Variants in DNHD1 observed in about 807,000 individuals in gnomAD.
The protein encoded by DNHD1 is dynein heavy chain domain 1, also known as dynein heavy chain domain-containing protein 1.
Under a neutral mutation model 458.1 loss-of-function variants are expected in DNHD1, and 383 were observed. The observed-to-expected ratio is 0.84, with a 90% CI of 0.77 to 0.91. The LOEUF (loss-of-function observed/expected upper bound fraction) is 0.91. Ranked by LOEUF, DNHD1 falls within the 40% of genes least tolerant of loss-of-function variation. The pLI is 0.00. For synonymous variants in DNHD1, 2,203 were observed against 2,376.9 expected (o/e 0.93, Z 2.13); for missense variants, 5,336 against 5,866.1 (o/e 0.91, Z 2.95).
Position 6,559,185 on chromosome 11 carries a change from C to T in DNHD1, c.9421C>T (p.Gln3141Ter), listed in dbSNP as rs866269580. ...LKIKNKAQRV[Q>*]NALENLRMLI... ...ACCAGCACATTGTATCTCCAGGGTC[C>T]AGAATGCCTTGGAGAATCTGAGAAT... is the stretch of plus-strand genomic sequence containing the variant. The change falls in exon 28 of 43, where the codon CAG (glutamine) becomes TAG (stop). Residue 3141 changes from glutamine to a stop codon, truncating the protein, a stop_gained. Transcript: ENST00000254579. LOFTEE classifies it high-confidence loss of function. 79 of 1,551,570 alleles carry T rather than the reference C, an allele frequency of 5.1e-5. No individual in the cohort carries two copies. The highest frequency in any genetic ancestry group is 6.5e-5 in the Non-Finnish European group (74 of 1,146,990).
chr11:6,523,824 A>C (rs970479717), intron 10 of DNHD1, among the ~76,000 whole-genome samples: 1 of 152,074 alleles, frequency 6.6e-6, no homozygotes, highest in Non-Finnish European at 1.5e-5. Flanking sequence ...CTGTCTCTAC[A>C]AAAAAATTTA....
At position 6,563,414 on chromosome 11, in the gene DNHD1, G is replaced by A; in HGVS notation, c.9702G>A (p.Gln3234=). The A allele has an allele frequency of 6.4e-7, 1 of 1,551,720 alleles. No individual in the cohort carries two copies. The highest frequency in any genetic ancestry group is 1.2e-5 in the South Asian group (1 of 84,066). The change falls in exon 30 of 43, where the codon CAG becomes CAA. Residue 3234 remains glutamine, a synonymous_variant. Coordinates refer to ENST00000254579, the MANE Select transcript of DNHD1 (RefSeq NM_144666.3). ...MSKAFLEPLS[Q]LQVADFEEIR... is the part of the protein sequence containing the mutation. ...AGGCATTTCTGGAGCCTCTGAGCCAGCTGCAGGTGGCTGACTTTGAGGAGA... is the reference window on the plus strand; with the variant it reads ...AGGCATTTCTGGAGCCTCTGAGCCAACTGCAGGTGGCTGACTTTGAGGAGA...
At chr11:6,566,811 C>T (rs376200750) in intron 35 of DNHD1, 46 bp downstream of exon 35, 46 of 1,599,742 alleles carry the variant, frequency 2.9e-5, no homozygotes, top group South Asian at 2.0e-4. Flanking sequence ...ATTGGATGGA[C>T]CTGGGTAAGG....
intron 15 of DNHD1, 38 bp from the exon 16 acceptor site, chr11:6,538,574 A>G (rs1589881283): frequency 3.2e-6 from 5 of 1,550,312 alleles, no homozygotes; most frequent in Non-Finnish European, 4.4e-6. Flanking sequence ...GGGGGAGGGG[A>G]AGAGTCTCAA....
chr11:6,506,687 C>T (rs1852234133), intron 4 of DNHD1, among the ~76,000 whole-genome samples: 2 of 152,088 alleles, frequency 1.3e-5, no homozygotes, highest in Non-Finnish European at 2.9e-5. Context: ...GCTGTCACTC[C>T]CCCACCCTTA....
At chr11:6,550,865 G>T (rs777546800) in intron 24 of DNHD1, among the ~76,000 whole-genome samples, 4 of 151,760 alleles carry the variant, frequency 2.6e-5, no homozygotes, top group Non-Finnish European at 5.9e-5. Flanking sequence ...TTAAGTATAG[G>T]GAAAAAAAGC....
At chr11:6,540,527 C>T (rs1026607096) in intron 18 of DNHD1, among the ~76,000 whole-genome samples, 58 of 152,304 alleles carry the variant, frequency 3.8e-4, no homozygotes, top group Admixed American at 6.5e-4. Context: ...TCCCTGTCCC[C>T]CAGAAATTTC....
intron 6 of DNHD1, 73 bp downstream of exon 6, chr11:6,509,345 G>T: frequency 7.5e-7 from 1 of 1,336,304 alleles, no homozygotes. Context: ...TATGTTTGTT[G>T]TAGAAAATCT....
intron 19 of DNHD1, 76 bp from the exon 20 acceptor site, chr11:6,544,498 A>G: frequency 1.6e-6 from 2 of 1,249,176 alleles, no homozygotes; most frequent in South Asian, 2.7e-5. Context: ...CTGAGAGGTC[A>G]GGAGCAGGGT....
intron 7 of DNHD1, among the ~76,000 whole-genome samples, chr11:6,517,810 C>T (rs891479228): frequency 1.3e-5 from 2 of 151,616 alleles, no homozygotes; most frequent in African/African-American, 4.8e-5. Flanking sequence ...TGGAGGGACA[C>T]AAACACACAG....
intron 18 of DNHD1, among the ~76,000 whole-genome samples, chr11:6,543,625 T>C (rs923160773): frequency 5.9e-5 from 9 of 152,252 alleles, no homozygotes; most frequent in Admixed American, 4.6e-4. Context: ...GAGACCCCAG[T>C]GCTTTACTGG....
At chr11:6,568,351 G>A in intron 37 of DNHD1, 103 bp from the exon 38 acceptor site, 1 of 1,570,148 alleles carries the variant, frequency 6.4e-7, no homozygotes, top group East Asian at 2.3e-5. Context: ...TGTCCACTTG[G>A]CCTTGTATCT....
At position 6,546,070 on chromosome 11, in the gene DNHD1, C is replaced by G; in HGVS notation, c.5131C>G (p.Leu1711Val). 1.9e-6 allele frequency: 3 copies of G among 1,551,368 alleles called. No homozygotes were observed. The highest frequency in any genetic ancestry group is 1.2e-5 in the South Asian group (1 of 84,054). The stretch of plus-strand genomic sequence containing the variant: ...GGCCCTGGGCCGCCAGCTGGTGATG[C>G]TACCCTGCTCACCTCAGATAGAGGC... Reference protein sequence around the residue: ...AQALGRQLVMLPCSPQIEAQC... With the variant: ...AQALGRQLVMVPCSPQIEAQC... The change falls in exon 21 of 43, where the codon CTA becomes GTA. Residue 1711 changes from leucine (L) to valine (V), a missense_variant. Leu to Val is a conservative substitution (Grantham distance 32, BLOSUM62 1). This residue lies in a region of DNHD1 where 3,932 missense variants were observed against 4,365.6 expected (regional missense o/e 0.90). Transcript: ENST00000254579.
In DNHD1 at chr11:6,557,076, T is replaced by A; in HGVS notation, c.7781T>A (p.Val2594Glu). 6.4e-7 allele frequency: 1 copy of A among 1,551,722 alleles called. No individual in the cohort carries two copies. Among genetic ancestry groups the A allele is most frequent in the Non-Finnish European group, 8.7e-7 (1 of 1,147,004 alleles). ...HPHYHFSLHS[V>E]SHLLSSLQLL... Reference sequence around the variant, plus strand: ...CACTACCACTTCTCCCTACACTCTGTGAGCCACCTACTGAGCAGCCTGCAG... The same window carrying A: ...CACTACCACTTCTCCCTACACTCTGAGAGCCACCTACTGAGCAGCCTGCAG... Residue 2594 changes from valine (V) to glutamate (E), a missense_variant, in exon 25 of 43, where the codon GTG (valine) becomes GAG (glutamate). Physicochemically the swap from Val to Glu is moderately radical, Grantham distance 121 (BLOSUM62 -2). This residue lies in a region of DNHD1 where 3,932 missense variants were observed against 4,365.6 expected (regional missense o/e 0.90). Transcript: ENST00000254579.
In DNHD1 at chr11:6,571,166, C is replaced by T. The variant is rs537615040; in HGVS notation, c.13654C>T (p.Leu4552=). The T allele has an allele frequency of 3.1e-5, 49 of 1,604,046 alleles. 1 individual carries two copies. The South Asian group carries it at 4.4e-4, about 14-fold the overall frequency. ...PAGPQPPWHW[L]RQLSRRGQLL... ...CGGTCCGCAGCCGCCCTGGCACTGG[C>T]TGCGACAGTTGTCGCGCCGTGGGCA... Residue 4552 remains leucine, a synonymous_variant, in exon 42 of 43, where the codon CTG becomes TTG. Transcript: ENST00000254579. The surrounding 1 kb of genome is among the most constrained non-coding windows in gnomAD (Gnocchi z 5.0).
chr11:6,540,608 G>C (rs546240931), intron 18 of DNHD1, among the ~76,000 whole-genome samples: 6 of 152,300 alleles, frequency 3.9e-5, no homozygotes, highest in South Asian at 2.1e-4. Context: ...GAGGGCAGTA[G>C]AATCTCAGAG....
chr11:6,543,999 A>G (rs1853154045), intron 18 of DNHD1, 122 bp from the exon 19 acceptor site: 1 of 791,470 alleles, frequency 1.3e-6, no homozygotes, highest in African/African-American at 1.8e-5. Flanking sequence ...AAAGAAAAAG[A>G]CAGAAAGGGC....
At chr11:6,511,891 G>C (rs1196013432) in intron 7 of DNHD1, among the ~76,000 whole-genome samples, 1 of 152,194 alleles carries the variant, frequency 6.6e-6, no homozygotes, top group African/African-American at 2.4e-5. Flanking sequence ...CCCCTGCCTA[G>C]AGTTCTGGGA....
chr11:6,515,022 T>G (rs947703597), intron 7 of DNHD1, among the ~76,000 whole-genome samples: 1 of 152,194 alleles, frequency 6.6e-6, no homozygotes, highest in African/African-American at 2.4e-5. Flanking sequence ...CCATGATAAC[T>G]AACCCACTCC....
Sources: allele counts gnomAD v4.1 joint callset (sites outside exome capture counted in the v4.1 genomes callset), GRCh38; gene constraint gnomAD v4.1.1; regional missense constraint gnomAD v4.1.1; non-coding constraint Gnocchi (gnomAD v3.1); transcripts MANE v1.5; gene names NCBI Gene and HGNC (gene_info 2026-07-23, HGNC 2026-07-21).